The following CTXND1 variants were observed in gnomAD, a reference collection of about 807,000 sequenced individuals.
The protein encoded by CTXND1 is cortexin domain-containing 1 protein.
At chr15:80,232,475 G>T (rs1295376076) in intron 1 of CTXND1, among the ~76,000 whole-genome samples, 1 of 151,016 alleles carries the variant, frequency 6.6e-6, no homozygotes, top group Non-Finnish European at 1.5e-5. Context: ...ATGATTTTTT[G>T]TTGTTGTTTT....
At chr15:80,249,988 C>T (rs1893675908) in intron 1 of CTXND1, among the ~76,000 whole-genome samples, 1 of 152,182 alleles carries the variant, frequency 6.6e-6, no homozygotes, top group Non-Finnish European at 1.5e-5. Flanking sequence ...AGTCTAGGAA[C>T]CATGTCAGTT....
At chr15:80,231,748 C>T (rs2142135121) in intron 1 of CTXND1, among the ~76,000 whole-genome samples, 1 of 152,156 alleles carries the variant, frequency 6.6e-6, no homozygotes, top group Non-Finnish European at 1.5e-5. Context: ...AAGTCACATA[C>T]CCAGCAATGA....
intron 1 of CTXND1, among the ~76,000 whole-genome samples, chr15:80,247,983 A>G (rs1166105172): frequency 1.3e-5 from 2 of 152,190 alleles, no homozygotes; most frequent in East Asian, 3.9e-4. Context: ...CACCCCTCTG[A>G]AACATCAGCT....
At chr15:80,249,798 A>G (rs1893673824) in intron 1 of CTXND1, among the ~76,000 whole-genome samples, 1 of 152,240 alleles carries the variant, frequency 6.6e-6, no homozygotes, top group African/African-American at 2.4e-5. Context: ...TGTAGAAAGC[A>G]TGTAATGTGC....
chr15:80,234,427 T>C (rs1036241715), intron 1 of CTXND1, among the ~76,000 whole-genome samples: 16 of 151,512 alleles, frequency 1.1e-4, no homozygotes, highest in African/African-American at 3.9e-4. Context: ...CTGTGTATTA[T>C]ACACAGCATC....
At chr15:80,220,104 A>G (rs1893296367) in intron 1 of CTXND1, among the ~76,000 whole-genome samples, 1 of 84,248 alleles carries the variant, frequency 1.2e-5, no homozygotes, top group Admixed American at 1.2e-4. Flanking sequence ...ACTCTCATCT[A>G]TCTATCTATC....
At chr15:80,209,229 C>T (rs573416318) in intron 1 of CTXND1, among the ~76,000 whole-genome samples, 1 of 152,334 alleles carries the variant, frequency 6.6e-6, no homozygotes, top group South Asian at 2.1e-4. Flanking sequence ...GCTTTTCTGC[C>T]TTGCAGTTGG....
At chr15:80,219,302 T>C (rs1022232453) in intron 1 of CTXND1, among the ~76,000 whole-genome samples, 1 of 152,114 alleles carries the variant, frequency 6.6e-6, no homozygotes, top group African/African-American at 2.4e-5. Flanking sequence ...ATCTTGCTAC[T>C]TGCTTTTTCA....
chr15:80,231,718 C>G lies in CTXND1; in HGVS notation c.-218+20289G>C, dbSNP rs142372304. Among the ~76,000 whole-genome samples, 511 of 152,064 alleles carry G rather than the reference C, an allele frequency of 3.4e-3. 1 individual carries two copies. The highest frequency in any genetic ancestry group is 5.8e-3 in the Non-Finnish European group (393 of 67,998). On this transcript the variant is annotated intron_variant, in intron 1 of 2. Coordinates refer to ENST00000560778, the MANE Select transcript of CTXND1 (RefSeq NM_001352888.2). Reference sequence around the variant, plus strand: ...TGATCTCCTTCCAGGCAGAGTGTTGCCCAGGATGAACTAGGCTGAAAGTCA... The same window carrying G: ...TGATCTCCTTCCAGGCAGAGTGTTGGCCAGGATGAACTAGGCTGAAAGTCA...
intron 1 of CTXND1, among the ~76,000 whole-genome samples, chr15:80,228,636 C>CTTT (rs58443773): frequency 7.1e-6 from 1 of 139,910 alleles, no homozygotes; most frequent in Non-Finnish European, 1.5e-5. Flanking sequence ...AAATCTGAAA[C>CTTT]TTTTTTTTTT....
intron 1 of CTXND1, among the ~76,000 whole-genome samples, chr15:80,249,129 T>A (rs112364973): frequency 6.6e-6 from 1 of 152,100 alleles, no homozygotes; most frequent in Admixed American, 6.5e-5. Context: ...TTTTAAAATT[T>A]TTTTGTGGAG....
At chr15:80,244,139 T>C (rs1290846619) in intron 1 of CTXND1, among the ~76,000 whole-genome samples, 2 of 152,242 alleles carry the variant, frequency 1.3e-5, no homozygotes, top group Non-Finnish European at 1.5e-5. Context: ...CCATTGTTAT[T>C]ACCTTTCTCT....
rs186953598 is a variant in CTXND1, at chr15:80,247,357, G to T, written c.-218+4650C>A. On this transcript the variant is annotated intron_variant, in intron 1 of 2. Transcript: ENST00000560778. The stretch of plus-strand genomic sequence containing the variant: ...GTGCATAGTTGCACCCCTAAGAGGG[G>T]TGCCTTTTGTCTTGTGTGAATAGTC... Among the ~76,000 whole-genome samples the T allele has an allele frequency of 5.3e-5, 8 of 152,174 alleles. No individual in the cohort carries two copies. In the East Asian group the frequency reaches 1.5e-3, roughly 29 times the overall value.
At chr15:80,240,308 A>G (rs1398354786) in intron 1 of CTXND1, among the ~76,000 whole-genome samples, 2 of 152,174 alleles carry the variant, frequency 1.3e-5, no homozygotes, top group Non-Finnish European at 2.9e-5. Context: ...CATAAACCTT[A>G]GGACCCATAA....
intron 1 of CTXND1, among the ~76,000 whole-genome samples, chr15:80,213,088 T>A (rs1039891823): frequency 6.6e-6 from 1 of 152,236 alleles, no homozygotes; most frequent in Admixed American, 6.5e-5. Flanking sequence ...ACTGTTATCC[T>A]ATGCTTGTCC....
In CTXND1 at chr15:80,196,459, A is replaced by T. The variant is rs971979406; in HGVS notation, c.*5311T>A. The T allele has an allele frequency of 4.6e-5, 7 of 152,098 alleles. No individual in the cohort carries two copies. The highest frequency in any genetic ancestry group is 1.7e-4 in the African/African-American group (7 of 41,406). The allele number at this position is 152,098 out of a possible 1,614,324, so 9.4% of individuals were successfully genotyped here. A position where few individuals can be genotyped will look rare whatever the true frequency, so the allele number is the denominator to read the frequency against. ...ATGGAATGGGTGGTGGGAGAACAAG[A>T]CTGCAGTTACCACTCTGGGCCTCAT... On this transcript the variant is annotated 3_prime_UTR_variant, in exon 3 of 3. Transcript: ENST00000560778.
At chr15:80,211,016 C>T (rs7164855) in intron 1 of CTXND1, among the ~76,000 whole-genome samples, 43,521 of 152,016 alleles carry the variant, frequency 0.29, 6,459 homozygotes, top group East Asian at 0.39. Context: ...ACAGTCACAT[C>T]GGGGGTTAGA....
chr15:80,208,935 G>A (rs901911903), intron 1 of CTXND1, among the ~76,000 whole-genome samples: 1 of 152,222 alleles, frequency 6.6e-6, no homozygotes, highest in Non-Finnish European at 1.5e-5. Context: ...AAAGTTGAAT[G>A]TGCGAGGGAT....
At chr15:80,242,546 C>T (rs1239048795) in intron 1 of CTXND1, among the ~76,000 whole-genome samples, 1 of 152,218 alleles carries the variant, frequency 6.6e-6, no homozygotes, top group African/African-American at 2.4e-5. Flanking sequence ...CAATGCCTCA[C>T]TAGTCAATGC....
Sources: allele counts gnomAD v4.1 joint callset (sites outside exome capture counted in the v4.1 genomes callset), GRCh38; gene constraint gnomAD v4.1.1; transcripts MANE v1.5; gene names NCBI Gene and HGNC (gene_info 2026-07-23, HGNC 2026-07-21).